The following CXADR variants were observed in gnomAD, a reference collection of about 807,000 sequenced individuals.
The protein encoded by CXADR is CXADR cell adhesion molecule.
CXADR carries 20 observed loss-of-function variants against 40.3 expected under a neutral mutation model. That is an observed-to-expected ratio of 0.50 (90% CI 0.35 to 0.72). The LOEUF (loss-of-function observed/expected upper bound fraction) is 0.72, where lower values mean the gene tolerates loss of function less well. CXADR is among the 30% of genes least tolerant of loss of function. The pLI is 0.01. For synonymous variants in CXADR, 150 were observed against 161.3 expected (o/e 0.93, Z 0.53); for missense variants, 332 against 449.1 (o/e 0.74, Z 2.36).
At chr21:17,586,361 ATG>A (rs200663200) in intron 7 of CXADR, among the ~76,000 whole-genome samples, 7 of 147,496 alleles carry the variant, frequency 4.7e-5, no homozygotes, top group African/African-American at 9.9e-5. Context: ...TAAAGTTTAT[ATG>A]TATATATACA....
Position 17,528,369 on chromosome 21 carries a change from C to T in CXADR, c.43+15197C>T, listed in dbSNP as rs376293697. 1.7e-4 allele frequency among the ~76,000 whole-genome samples: 26 copies of T among 151,736 alleles called. No homozygotes were observed. In the East Asian group the frequency reaches 3.3e-3, roughly 19 times the overall value. Reference sequence around the variant, plus strand: ...GATTACAGGTGTGAGCCACCGCGCCCGGCATGCTTAGTTCTTTTTTCTTTT... The same window carrying T: ...GATTACAGGTGTGAGCCACCGCGCCTGGCATGCTTAGTTCTTTTTTCTTTT... On this transcript the variant is annotated intron_variant, in intron 1 of 6. Coordinates refer to ENST00000284878, the MANE Select transcript of CXADR (RefSeq NM_001338.5).
chr21:17,537,038 A>C (rs773853919), intron 1 of CXADR, among the ~76,000 whole-genome samples: 1 of 152,178 alleles, frequency 6.6e-6, no homozygotes, highest in South Asian at 2.1e-4. Flanking sequence ...GATTACAGGC[A>C]TGAGCCACCA....
At chr21:17,540,564 C>T (rs2060814418) in intron 1 of CXADR, among the ~76,000 whole-genome samples, 1 of 152,116 alleles carries the variant, frequency 6.6e-6, no homozygotes, top group Non-Finnish European at 1.5e-5. Flanking sequence ...ATCTGTTTGT[C>T]CTTGCTCTTT....
chr21:17,587,643 G>A (rs1196670130), intron 7 of CXADR, among the ~76,000 whole-genome samples: 1 of 152,178 alleles, frequency 6.6e-6, no homozygotes, highest in African/African-American at 2.4e-5. Context: ...TTAGCCCTTT[G>A]TCAGGTGAGT....
chr21:17,573,949 C>T (rs115882443), downstream of CXADR, among the ~76,000 whole-genome samples: 103 of 152,258 alleles, frequency 6.8e-4, no homozygotes, highest in African/African-American at 2.1e-3. Context: ...TTAAGTGAAT[C>T]CTGCTGACAA....
At chr21:17,525,872 G>A (rs2060592610) in intron 1 of CXADR, among the ~76,000 whole-genome samples, 1 of 152,198 alleles carries the variant, frequency 6.6e-6, no homozygotes, top group Non-Finnish European at 1.5e-5. Flanking sequence ...TTAGAACAGT[G>A]CTGTCCAACA....
At chr21:17,522,002 CTTTA>C (rs1441485626) in intron 1 of CXADR, among the ~76,000 whole-genome samples, 1 of 151,968 alleles carries the variant, frequency 6.6e-6, no homozygotes, top group African/African-American at 2.4e-5. Flanking sequence ...GTCGCTTTGC[CTTTA>C]TTTTTTATTT....
chr21:17,551,669 T>C, intron 2 of CXADR, 80 bp from the exon 3 acceptor site: 1 of 1,221,376 alleles, frequency 8.2e-7, no homozygotes, highest in Admixed American at 2.4e-5. Context: ...TAGCAGCAGG[T>C]GTATCCAGGG....
At chr21:17,625,225 A>G in the CXADR span, among the ~76,000 whole-genome samples, 2 of 149,032 alleles carry the variant, frequency 1.3e-5, no homozygotes, top group Non-Finnish European at 3.0e-5. Flanking sequence ...CTAAGGAACT[A>G]TTTTTTTTTT....
intron 7 of CXADR, among the ~76,000 whole-genome samples, chr21:17,587,957 G>A (rs1469551386): frequency 2.0e-5 from 3 of 152,144 alleles, no homozygotes; most frequent in African/African-American, 4.8e-5. Flanking sequence ...TATATGGCTA[G>A]CCAGTTTTCC....
intron 6 of CXADR, among the ~76,000 whole-genome samples, chr21:17,564,957 A>G (rs139855338): frequency 0.016 from 2,378 of 151,502 alleles, 69 homozygotes; most frequent in African/African-American, 0.053. Flanking sequence ...CTAGTCTTGA[A>G]CTCCTGATCT....
intron 1 of CXADR, among the ~76,000 whole-genome samples, chr21:17,519,232 A>G (rs971608734): frequency 1.3e-5 from 2 of 152,208 alleles, no homozygotes; most frequent in Admixed American, 1.3e-4. Context: ...CAGGGCCATT[A>G]CCTATATTCA....
At chr21:17,531,353 A>C (rs1282973653) in intron 1 of CXADR, among the ~76,000 whole-genome samples, 39 of 151,920 alleles carry the variant, frequency 2.6e-4, no homozygotes, top group Non-Finnish European at 1.5e-5. Flanking sequence ...GTTGCGCTAC[A>C]TCCTTATCAT....
chr21:17,537,287 A>G (rs934104880), intron 1 of CXADR, among the ~76,000 whole-genome samples: 2 of 152,136 alleles, frequency 1.3e-5, no homozygotes, highest in East Asian at 3.9e-4. Context: ...AATTTTTTTC[A>G]CTATTTGTAA....
chr21:17,609,774 A>C, the CXADR span, among the ~76,000 whole-genome samples: 1 of 152,266 alleles, frequency 6.6e-6, no homozygotes, highest in Non-Finnish European at 1.5e-5. Context: ...TTACCAACTA[A>C]AGAATGGACA....
At chr21:17,580,947 C>T (rs960108964) in intron 7 of CXADR, among the ~76,000 whole-genome samples, 1 of 152,100 alleles carries the variant, frequency 6.6e-6, no homozygotes, top group Non-Finnish European at 1.5e-5. Context: ...GAGGAGGTCT[C>T]ACTATGTTGT....
At chr21:17,529,121 C>G (rs1275560460) in intron 1 of CXADR, among the ~76,000 whole-genome samples, 1 of 150,544 alleles carries the variant, frequency 6.6e-6, no homozygotes, top group Non-Finnish European at 1.5e-5. Context: ...TCACTGCAAC[C>G]TCTGCCTCCC....
At chr21:17,559,383 C>G (rs1170528771) in intron 4 of CXADR, among the ~76,000 whole-genome samples, 3 of 151,706 alleles carry the variant, frequency 2.0e-5, no homozygotes, top group Non-Finnish European at 4.4e-5. Flanking sequence ...CAGGATCTCC[C>G]TGCGTTGCCT....
Position 17,551,840 on chromosome 21 carries a change from G to C in CXADR, c.302G>C (p.Gly101Ala). ...TTTACGAGTAATGATCTCAAATCTG[G>C]TGATGCATCAATAAATGTAACGAAT... is the stretch of plus-strand genomic sequence containing the variant. The part of the protein sequence containing the change: ...VHFTSNDLKS[G>A]DASINVTNLQ... Residue 101 changes from glycine (G) to alanine (A), a missense_variant, in exon 3 of 7, where the codon GGT (glycine) becomes GCT (alanine). By Grantham distance (60) the Gly-to-Ala change is moderately conservative. Around this residue, in one of 3 missense-constraint regions of CXADR, gnomAD observed 162 missense variants for 198.5 expected, o/e 0.82. Transcript: ENST00000284878. The C allele has an allele frequency of 6.2e-7, 1 of 1,613,830 alleles. No individual in the cohort carries two copies. Among genetic ancestry groups the C allele is most frequent in the Non-Finnish European group, 8.5e-7 (1 of 1,179,834 alleles).
Sources: gnomAD v4.1 joint callset for allele counts (sites outside exome capture counted in the v4.1 genomes callset) on GRCh38, gnomAD v4.1.1 for gene constraint, gnomAD v4.1.1 regional missense constraint, MANE v1.5 for transcripts, NCBI Gene and HGNC (gene_info 2026-07-23, HGNC 2026-07-21) for gene names.